Variants in RHBDL3 observed in about 807,000 individuals in gnomAD.
RHBDL3 encodes rhomboid like 3.
Under a neutral mutation model 48.2 loss-of-function variants are expected in RHBDL3, and 28 were observed. That is an observed-to-expected ratio of 0.58 (90% CI 0.43 to 0.80). RHBDL3 has a LOEUF of 0.80. Among genes scored for constraint, RHBDL3 ranks in the 30% least tolerant of loss-of-function variants. The pLI is 0.00. For missense variants in RHBDL3, 464 were observed against 542.7 expected (o/e 0.85, Z 1.44); for synonymous variants, 208 against 232.3 (o/e 0.90, Z 0.95).
At chr17:32,276,644 C>A (rs1038832673) in intron 2 of RHBDL3, among the ~76,000 whole-genome samples, 2 of 151,422 alleles carry the variant, frequency 1.3e-5, no homozygotes, top group Admixed American at 1.3e-4. Flanking sequence ...GCCCTAGCAC[C>A]GTACTCCAGC....
chr17:32,304,102 CCT>C (rs1357325247), intron 6 of RHBDL3, among the ~76,000 whole-genome samples: 7 of 152,282 alleles, frequency 4.6e-5, no homozygotes, highest in Middle Eastern at 3.4e-3. Context: ...ATAAATTTCC[CCT>C]CTTTTCTTTG....
chr17:32,274,874 A>ATG (rs145318862), intron 2 of RHBDL3, among the ~76,000 whole-genome samples: 27 of 151,606 alleles, frequency 1.8e-4, no homozygotes, highest in South Asian at 1.3e-3. Context: ...AAGAGTGTGC[A>ATG]TGTGTGTGTG....
intron 5 of RHBDL3, among the ~76,000 whole-genome samples, chr17:32,297,374 A>G (rs2040476109): frequency 6.6e-6 from 1 of 152,188 alleles, no homozygotes; most frequent in African/African-American, 2.4e-5. Flanking sequence ...AGACAGGAGA[A>G]TCGCTTGAAC....
At chr17:32,302,509 C>T (rs1490742342) in intron 6 of RHBDL3, among the ~76,000 whole-genome samples, 5 of 150,480 alleles carry the variant, frequency 3.3e-5, no homozygotes, top group East Asian at 1.9e-4. Context: ...TATGCATGCG[C>T]CACCATGTCC....
In RHBDL3 at chr17:32,312,985, A is replaced by G. The variant is rs116725145; in HGVS notation, c.883-3247A>G. Among the ~76,000 whole-genome samples the G allele has an allele frequency of 7.8e-3, 1,190 of 152,138 alleles. 17 individuals carry two copies. Among genetic ancestry groups the G allele is most frequent in the African/African-American group, 0.027 (1,130 of 41,524 alleles). On this transcript the variant is annotated intron_variant, in intron 7 of 8. Coordinates refer to ENST00000269051, the MANE Select transcript of RHBDL3 (RefSeq NM_138328.3). The stretch of plus-strand genomic sequence containing the variant: ...CCACCACGCCCAGCTAATTTTTTAT[A>G]GAGGCAGGGTTTCGCCATGTTGCCC...
intron 2 of RHBDL3, among the ~76,000 whole-genome samples, chr17:32,270,237 A>G (rs2039742517): frequency 1.3e-5 from 2 of 151,362 alleles, no homozygotes; most frequent in Admixed American, 1.3e-4. Flanking sequence ...AGCACAAGTG[A>G]CTCTGGAGTT....
chr17:32,300,123 C>G (rs2043834181), intron 6 of RHBDL3, among the ~76,000 whole-genome samples: 1 of 152,188 alleles, frequency 6.6e-6, no homozygotes, highest in Admixed American at 6.5e-5. Flanking sequence ...GTGGCTCGCC[C>G]AAGAAGACAC....
At chr17:32,271,125 T>C (rs528758760) in intron 2 of RHBDL3, among the ~76,000 whole-genome samples, 8 of 152,358 alleles carry the variant, frequency 5.3e-5, no homozygotes, top group African/African-American at 1.9e-4. Context: ...CTTCTGTTGA[T>C]TCAGACCTGA....
At chr17:32,286,472 C>T (rs955793932) in intron 3 of RHBDL3, among the ~76,000 whole-genome samples, 9 of 152,316 alleles carry the variant, frequency 5.9e-5, no homozygotes, top group Middle Eastern at 3.4e-3. Context: ...GGGTCCTGGT[C>T]TGGCTCTGCC....
At chr17:32,291,316 G>A (rs972588567) in intron 4 of RHBDL3, among the ~76,000 whole-genome samples, 8 of 150,414 alleles carry the variant, frequency 5.3e-5, no homozygotes, top group African/African-American at 2.0e-4. Context: ...CTGGGCGACA[G>A]AGCAAGACTC....
At chr17:32,308,672 G>A (rs1050667848) in intron 7 of RHBDL3, among the ~76,000 whole-genome samples, 3 of 152,208 alleles carry the variant, frequency 2.0e-5, no homozygotes, top group Admixed American at 6.5e-5. Context: ...AAAACTCATC[G>A]TCTCATTAAA....
At chr17:32,277,514 C>A (rs553664107) in intron 2 of RHBDL3, among the ~76,000 whole-genome samples, 3 of 152,206 alleles carry the variant, frequency 2.0e-5, no homozygotes, top group Non-Finnish European at 4.4e-5. Flanking sequence ...CCTGAGAGCT[C>A]GGCTCAGTGG....
chr17:32,305,257 A>G, intron 6 of RHBDL3, 84 bp from the exon 7 acceptor site: 1 of 886,474 alleles, frequency 1.1e-6, no homozygotes, highest in South Asian at 1.3e-5. Context: ...CTTAGCACGG[A>G]GCCTGCAGAA....
intron 6 of RHBDL3, among the ~76,000 whole-genome samples, chr17:32,303,860 C>G (rs1415023332): frequency 1.3e-5 from 2 of 152,084 alleles, no homozygotes; most frequent in East Asian, 3.9e-4. Context: ...GTCCGTGGAT[C>G]TTGCACCCTA....
chr17:32,284,773 A>G lies in RHBDL3; in HGVS notation c.250A>G (p.Ser84Gly), dbSNP rs1301382697. The change falls in exon 3 of 9, where the codon AGC (serine) becomes GGC (glycine). Residue 84 changes from serine to glycine, a missense_variant. Ser to Gly is a moderately conservative substitution (Grantham distance 56). Transcript: ENST00000269051. ...KREVLLALAD[S>G]HADGQIGYQD... ...GGAGGTCCTCCTGGCTCTTGCCGAC[A>G]GCCACGCGGATGGGCAGATCGGCTA... The G allele has an allele frequency of 3.1e-6, 5 of 1,614,064 alleles. No individual in the cohort carries two copies. Among genetic ancestry groups the G allele is most frequent in the South Asian group, 2.2e-5 (2 of 91,084 alleles).
chr17:32,316,850 T>TTTTTA (rs1462330676), intron 8 of RHBDL3, among the ~76,000 whole-genome samples: 1 of 149,496 alleles, frequency 6.7e-6, no homozygotes, highest in Admixed American at 6.6e-5. Flanking sequence ...TTTTATTTTA[T>TTTTTA]TTTTATTTTA....
chr17:32,292,089 A>G (rs2040344702), intron 4 of RHBDL3, among the ~76,000 whole-genome samples: 1 of 152,134 alleles, frequency 6.6e-6, no homozygotes, highest in South Asian at 2.1e-4. Flanking sequence ...GATATTCTTA[A>G]ACAGTTATGC....
chr17:32,310,644 C>G (rs566977306), intron 7 of RHBDL3, among the ~76,000 whole-genome samples: 2 of 151,774 alleles, frequency 1.3e-5, no homozygotes, highest in Non-Finnish European at 2.9e-5. Context: ...ACTCGGGAGG[C>G]GGAGGTTGCA....
intron 3 of RHBDL3, among the ~76,000 whole-genome samples, chr17:32,286,703 A>G (rs1176524755): frequency 6.6e-6 from 1 of 152,202 alleles, no homozygotes. Context: ...CAGAGCTCCC[A>G]CAGTGCCTTG....
Sources: gnomAD v4.1 joint callset for allele counts (sites outside exome capture counted in the v4.1 genomes callset) on GRCh38, gnomAD v4.1.1 for gene constraint, MANE v1.5 for transcripts, NCBI Gene and HGNC (gene_info 2026-07-23, HGNC 2026-07-21) for gene names.